The following LRP1 variants were observed in gnomAD, a reference collection of about 807,000 sequenced individuals.
LRP1 encodes prolow-density lipoprotein receptor-related protein 1.
A neutral mutation model predicts 541.5 loss-of-function variants in LRP1; 51 were observed. The ratio of observed to expected loss-of-function variants is 0.09; its 90% confidence interval spans 0.08 to 0.12. LRP1 has a LOEUF of 0.12. LRP1 is among the 10% of genes least tolerant of loss of function. The pLI is 1.00. For missense variants in LRP1, 3,878 were observed against 6,376.2 expected (o/e 0.61, Z 13.34); for synonymous variants, 2,219 against 2,470.8 (o/e 0.90, Z 3.02).
rs543661394 is a variant in LRP1 at position 57,192,706 on chromosome 12, T to TGG, written c.7430-138_7430-137dup. ...GCAGCCATCCCCATGCCCTCCCCAC[T>TGG]GGCTGCAAGCCGCTGTGCCTGCCGT... On this transcript the variant is annotated intron_variant, in intron 44 of 88. Transcript: ENST00000243077. 565 of 1,208,026 alleles carry TGG rather than the reference T, an allele frequency of 4.7e-4. 6 individuals are homozygous for TGG. The South Asian group carries it at 7.2e-3, about 15-fold the overall frequency. The allele number at this position is 1,208,026 out of a possible 1,614,324, so 74.8% of individuals were successfully genotyped here.
chr12:57,193,924 C>G lies in LRP1; in HGVS notation c.7830C>G (p.Phe2610Leu). ...AGACAGCCTGTGGTGTGGGCGAGTT[C>G]CGCTGCCGGGACGGGACCTGCATCG... The part of the protein sequence containing the change: ...CNKTACGVGE[F>L]RCRDGTCIGN... The change falls in exon 48 of 89, where the codon TTC (phenylalanine) becomes TTG (leucine). Residue 2610 changes from phenylalanine to leucine, a missense_variant. By Grantham distance (22) the Phe-to-Leu change is conservative (BLOSUM62 0). Transcript: ENST00000243077. 6.2e-7 allele frequency: 1 copy of G among 1,614,102 alleles called. No homozygotes were observed. Among genetic ancestry groups the G allele is most frequent in the Non-Finnish European group, 8.5e-7 (1 of 1,180,016 alleles).
Position 57,195,260 on chromosome 12 carries a change from TCC to T in LRP1, c.8309-7_8309-6del, listed in dbSNP as rs2036505609. 2 of 1,612,212 alleles carry T rather than the reference TCC, an allele frequency of 1.2e-6. No homozygotes were observed. Among genetic ancestry groups the T allele is most frequent in the Non-Finnish European group, 1.7e-6 (2 of 1,178,818 alleles). On this transcript the variant is annotated splice_polypyrimidine_tract_variant and intron_variant, in intron 51 of 88. Coordinates refer to ENST00000243077, the MANE Select transcript of LRP1 (RefSeq NM_002332.3). Reference sequence around the variant, plus strand: ...TCCTAAGTCTCTCAGTGGCCCTCTCTCCCCCTACAGAAGGCAAGACGTGCGGC... The same window carrying T: ...TCCTAAGTCTCTCAGTGGCCCTCTCTCCCTACAGAAGGCAAGACGTGCGGC...
chr12:57,197,019 G>T lies in LRP1; in HGVS notation c.8930G>T (p.Gly2977Val). The T allele has an allele frequency of 6.2e-7, 1 of 1,613,548 alleles. No homozygotes were observed. ...CRPGFRLKDDGRTCADVDECS... is the reference protein window; with the variant it reads ...CRPGFRLKDDVRTCADVDECS... ...CCTGGCTTCCGGCTGAAGGACGACG[G>T]CCGGACGTGTGCTGATGTGGACGAG... Residue 2977 changes from glycine to valine, a missense_variant, in exon 56 of 89, where the codon GGC becomes GTC. Transcript: ENST00000243077. This position sits in a 1 kb window ranked among gnomAD's most constrained non-coding sequence, Gnocchi z 4.5.
intron 6 of LRP1, among the ~76,000 whole-genome samples, chr12:57,146,180 A>C (rs1283071014): frequency 6.6e-6 from 1 of 151,848 alleles, no homozygotes; most frequent in East Asian, 1.9e-4. Context: ...CACTGCCGGG[A>C]ACAGCCCTGC....
At chr12:57,196,948 C>T (rs746751281) in intron 55 of LRP1, 34 bp from the exon 56 acceptor site, 1 of 1,576,050 alleles carries the variant, frequency 6.3e-7, no homozygotes, top group South Asian at 1.1e-5. Flanking sequence ...CAGACCCTGC[C>T]ACATGCCCAG....
Position 57,154,438 on chromosome 12 carries a change from G to A in LRP1, c.1005-41G>A, listed in dbSNP as rs764859340. ...CTGAGGCTACAGTGGTAAGGAGGGTGCCCAATGTCCAGACCCCATTTAACA... is the reference window on the plus strand; with the variant it reads ...CTGAGGCTACAGTGGTAAGGAGGGTACCCAATGTCCAGACCCCATTTAACA... On this transcript the variant is annotated intron_variant, in intron 7 of 88. Transcript: ENST00000243077. The surrounding 1 kb of genome is among the most constrained non-coding windows in gnomAD (Gnocchi z 4.6). 6.2e-7 allele frequency: 1 copy of A among 1,606,776 alleles called. No homozygotes were observed.
chr12:57,196,888 C>T (rs368584813), intron 55 of LRP1, 94 bp from the exon 56 acceptor site: 9 of 1,125,538 alleles, frequency 8.0e-6, no homozygotes, highest in East Asian at 5.2e-5. Context: ...CTAGTGAGGC[C>T]GGGTAGAGGG....
rs2036648619 is a variant in LRP1 at position 57,201,273 on chromosome 12, T to G, written c.10345+120T>G. The G allele has an allele frequency of 1.4e-6, 2 of 1,473,128 alleles. No individual in the cohort carries two copies. The highest frequency in any genetic ancestry group is 2.3e-5 in the East Asian group (1 of 43,778). 91.3% of individuals were successfully genotyped at this position (1,473,128 alleles called of 1,614,324 possible). A position where few individuals can be genotyped will look rare whatever the true frequency, so the allele number is the denominator to read the frequency against. On this transcript the variant is annotated intron_variant, in intron 65 of 88. Coordinates refer to ENST00000243077, the MANE Select transcript of LRP1 (RefSeq NM_002332.3). The surrounding 1 kb of genome is among the most constrained non-coding windows in gnomAD (Gnocchi z 6.4). ...ACTTTAGTAGATGGGCAACACAAAT[T>G]ATATTGGGTGTAACTTGCTTTGCTC...
chr12:57,174,171 G>T (rs896870943), intron 22 of LRP1, among the ~76,000 whole-genome samples, 191 bp downstream of exon 22: 1 of 152,204 alleles, frequency 6.6e-6, no homozygotes, highest in African/African-American at 2.4e-5. Flanking sequence ...AGTGAGCCAC[G>T]CCATTAGAGC....
chr12:57,176,935 A>G, intron 24 of LRP1, 106 bp from the exon 25 acceptor site: 1 of 929,538 alleles, frequency 1.1e-6, no homozygotes, highest in African/African-American at 1.6e-5. Flanking sequence ...AAACTTTGGC[A>G]GAAGTGCCAG....
At chr12:57,150,816 A>T (rs1471835069) in intron 6 of LRP1, among the ~76,000 whole-genome samples, 1 of 152,216 alleles carries the variant, frequency 6.6e-6, no homozygotes, top group African/African-American at 2.4e-5. Flanking sequence ...TAACTTGCTC[A>T]TAGCCTCAGT....
rs1403970384 is a variant in LRP1, at chr12:57,201,809, C to T, written c.10498C>T (p.Arg3500Cys). The change falls in exon 67 of 89, where the codon CGC becomes TGC. Residue 3500 changes from arginine to cysteine, a missense_variant. Physicochemically the swap from Arg to Cys is radical, Grantham distance 180 (BLOSUM62 -3). Coordinates refer to ENST00000243077, the MANE Select transcript of LRP1 (RefSeq NM_002332.3). This position sits in a 1 kb window ranked among gnomAD's most constrained non-coding sequence, Gnocchi z 6.4. ...GATGACCTGTGGTGTGGACGAGTTC[C>T]GCTGCAAGGATTCGGGCCGCTGCAT... ...TQMTCGVDEFRCKDSGRCIPA... is the reference protein window; with the variant it reads ...TQMTCGVDEFCCKDSGRCIPA... The T allele has an allele frequency of 6.2e-7, 1 of 1,614,110 alleles. No homozygotes were observed. Among genetic ancestry groups the T allele is most frequent in the Non-Finnish European group, 8.5e-7 (1 of 1,180,006 alleles).
Position 57,175,892 on chromosome 12 carries a change from C to T in LRP1, c.3794-17C>T, listed in dbSNP as rs1015501878. The T allele has an allele frequency of 3.7e-6, 6 of 1,613,212 alleles. No individual in the cohort carries two copies. Among genetic ancestry groups the T allele is most frequent in the Non-Finnish European group, 4.2e-6 (5 of 1,179,626 alleles). ...AGCTAGCCCCTTGCTGACCCCATCA[C>T]ATCCCTCCCATCCCAGACCCCTTCA... On this transcript the variant is annotated splice_polypyrimidine_tract_variant and intron_variant, in intron 23 of 88. Coordinates refer to ENST00000243077, the MANE Select transcript of LRP1 (RefSeq NM_002332.3).
chr12:57,178,735 CT>C lies in LRP1; in HGVS notation c.4606+133del. The stretch of plus-strand genomic sequence containing the variant: ...TGCTGGGATGGCAGGGGTAGGCCGG[CT>C]GTTGACAGAGGCACTGTCTAGCAGC... On this transcript the variant is annotated intron_variant, in intron 27 of 88. Coordinates refer to ENST00000243077, the MANE Select transcript of LRP1 (RefSeq NM_002332.3). The surrounding 1 kb of genome is among the most constrained non-coding windows in gnomAD (Gnocchi z 5.8). 4 of 1,519,100 alleles carry C rather than the reference CT, an allele frequency of 2.6e-6. No homozygotes were observed. The East Asian group carries it at 9.0e-5, about 34-fold the overall frequency. 94.1% of individuals were successfully genotyped at this position (1,519,100 alleles called of 1,614,324 possible). A position where few individuals can be genotyped will look rare whatever the true frequency, so the allele number is the denominator to read the frequency against.
intron 24 of LRP1, 133 bp from the exon 25 acceptor site, chr12:57,176,908 G>A (rs2036058739): frequency 2.8e-6 from 2 of 703,672 alleles, no homozygotes; most frequent in South Asian, 1.7e-5. Flanking sequence ...TCCTACTCTT[G>A]AATATGGGCA....
rs1445879834 is a variant in LRP1 at position 57,185,832 on chromosome 12, C to A, written c.6765C>A (p.Ile2255=). 3.7e-6 allele frequency: 6 copies of A among 1,614,210 alleles called. No individual in the cohort carries two copies. The highest frequency in any genetic ancestry group is 5.1e-6 in the Non-Finnish European group (6 of 1,180,048). Residue 2255 remains isoleucine, a synonymous_variant, in exon 41 of 89, where the codon ATC becomes ATA. Transcript: ENST00000243077. This position sits in a 1 kb window ranked among gnomAD's most constrained non-coding sequence, Gnocchi z 4.9. ...AGTSPGTPNR[I]FFSDIHFGNI... ...CCTCTCCGGGCACCCCCAATCGCAT[C>A]TTCTTCAGCGACATCCACTTTGGGA...
intron 41 of LRP1, 104 bp downstream of exon 41, chr12:57,186,012 G>C: frequency 7.5e-7 from 1 of 1,336,224 alleles, no homozygotes; most frequent in East Asian, 2.5e-5. Context: ...CTGAATCCCA[G>C]CAGCTACAAC....
At position 57,197,676 on chromosome 12, in the gene LRP1, G is replaced by A. The variant is rs746419608; in HGVS notation, c.9282+12G>A. On this transcript the variant is annotated intron_variant, in intron 58 of 88. Coordinates refer to ENST00000243077, the MANE Select transcript of LRP1 (RefSeq NM_002332.3). This position sits in a 1 kb window ranked among gnomAD's most constrained non-coding sequence, Gnocchi z 4.5. ...GGAGCAATGTGCAGGTGAGGCGGGC[G>A]GCCCTCGGCGACCAACACTGGCCCG... 9 of 1,610,142 alleles carry A rather than the reference G, an allele frequency of 5.6e-6. No homozygotes were observed. Among genetic ancestry groups the A allele is most frequent in the South Asian group, 1.1e-5 (1 of 90,914 alleles).
intron 1 of LRP1, 57 bp downstream of exon 1, chr12:57,129,088 C>T (rs2034980864): frequency 2.0e-6 from 3 of 1,510,342 alleles, no homozygotes; most frequent in Non-Finnish European, 2.7e-6. Context: ...CCCCAGCCCC[C>T]ACTCCTGCAT....
Sources: allele counts gnomAD v4.1 joint callset (sites outside exome capture counted in the v4.1 genomes callset), GRCh38; gene constraint gnomAD v4.1.1; non-coding constraint Gnocchi (gnomAD v3.1); transcripts MANE v1.5; gene names NCBI Gene and HGNC (gene_info 2026-07-23, HGNC 2026-07-21).